Variants in PTPRN2 observed in about 807,000 individuals in gnomAD.
The protein encoded by PTPRN2 is protein tyrosine phosphatase receptor type N2.
A neutral mutation model predicts 118.8 loss-of-function variants in PTPRN2; 74 were observed. That is an observed-to-expected ratio of 0.62 (90% CI 0.52 to 0.76). PTPRN2 has a LOEUF of 0.76. PTPRN2 is among the 30% of genes least tolerant of loss of function. The pLI is 0.00. For synonymous variants in PTPRN2, 641 were observed against 608.0 expected, an observed-to-expected ratio of 1.05 and a Z score of -0.80; for missense variants, 1,481 against 1,394.4, an observed-to-expected ratio of 1.06 and a Z score of -0.99.
intron 12 of PTPRN2, among the ~76,000 whole-genome samples, chr7:157,712,797 C>T (rs186828358): frequency 1.0e-4 from 15 of 149,462 alleles, no homozygotes; most frequent in East Asian, 2.0e-4. Context: ...CACAGACAGA[C>T]GTGCACAGGG....
rs867514762 is a variant in PTPRN2 at position 157,810,788 on chromosome 7, C to T, written c.1788+87885G>A. 2.0e-4 allele frequency among the ~76,000 whole-genome samples: 29 copies of T among 143,898 alleles called. 1 individual carries two copies. In the Middle Eastern group the frequency reaches 0.016, roughly 77 times the overall value. The allele number at this position is 143,898 out of a possible 152,430, so 94.4% of individuals were successfully genotyped here. On this transcript the variant is annotated intron_variant, in intron 12 of 22. Coordinates refer to ENST00000389418, the MANE Select transcript of PTPRN2 (RefSeq NM_002847.5). ...GCTGGGCACAGGCTCTCCACAAGGACGGCAGGACTGCTGGGCACAGGCTTT... is the reference window on the plus strand; with the variant it reads ...GCTGGGCACAGGCTCTCCACAAGGATGGCAGGACTGCTGGGCACAGGCTTT...
At chr7:157,762,971 C>T (rs570514118) in intron 12 of PTPRN2, among the ~76,000 whole-genome samples, 8 of 152,144 alleles carry the variant, frequency 5.3e-5, no homozygotes, top group African/African-American at 9.6e-5. Context: ...AGCCCACAGC[C>T]GCCCACTCAC....
chr7:158,452,835 T>C (rs1228894633), intron 2 of PTPRN2, among the ~76,000 whole-genome samples: 8 of 152,210 alleles, frequency 5.3e-5, no homozygotes, highest in African/African-American at 1.9e-4. Flanking sequence ...GGAGCATCTC[T>C]TGGAACTGCA....
chr7:158,045,921 C>T (rs1808821118), intron 11 of PTPRN2, among the ~76,000 whole-genome samples: 2 of 145,994 alleles, frequency 1.4e-5, no homozygotes, highest in Admixed American at 6.7e-5. Context: ...CTGACACTGC[C>T]GTGTTCTGTC....
chr7:157,753,026 G>A (rs193138302), intron 12 of PTPRN2, among the ~76,000 whole-genome samples: 9 of 152,372 alleles, frequency 5.9e-5, no homozygotes, highest in Non-Finnish European at 8.8e-5. Flanking sequence ...TTTCTGTGGT[G>A]TGGCTGTTCT....
chr7:158,021,271 T>G (rs1164247870), intron 11 of PTPRN2, among the ~76,000 whole-genome samples: 1 of 152,216 alleles, frequency 6.6e-6, no homozygotes, highest in Admixed American at 6.5e-5. Context: ...TTGGATGCTA[T>G]TCAAGCCACA....
intron 22 of PTPRN2, among the ~76,000 whole-genome samples, chr7:157,545,475 CGTGTGGGTGTGCGCAGTGTGCAGGT>C (rs1798267435): frequency 2.1e-5 from 3 of 140,666 alleles, no homozygotes; most frequent in African/African-American, 8.0e-5. Context: ...TCCCTGGCTG[CGTGTGGGTGTGCGCAGTGTGCAGGT>C]GTGTGGGTGT....
chr7:158,373,027 A>G (rs1280070549), intron 2 of PTPRN2, among the ~76,000 whole-genome samples: 1 of 152,198 alleles, frequency 6.6e-6, no homozygotes, highest in African/African-American at 2.4e-5. Context: ...CTGCCAGAGG[A>G]TGCGCTGCAC....
chr7:157,642,649 T>G (rs1804745011), intron 14 of PTPRN2, among the ~76,000 whole-genome samples: 1 of 152,016 alleles, frequency 6.6e-6, no homozygotes, highest in South Asian at 2.1e-4. Context: ...CAGCTTCAAG[T>G]GTTTCCTCCC....
intron 11 of PTPRN2, among the ~76,000 whole-genome samples, chr7:158,032,700 A>C (rs1031737461): frequency 6.6e-6 from 1 of 152,168 alleles, no homozygotes; most frequent in Non-Finnish European, 1.5e-5. Flanking sequence ...ACCTAAAATC[A>C]CAGAGCACCA....
chr7:158,150,136 G>C (rs964000351), intron 6 of PTPRN2, among the ~76,000 whole-genome samples: 1 of 152,166 alleles, frequency 6.6e-6, no homozygotes, highest in Non-Finnish European at 1.5e-5. Context: ...AGCTTGGCCG[G>C]CAACAATGCT....
intron 11 of PTPRN2, among the ~76,000 whole-genome samples, chr7:157,978,584 AC>A (rs1425290960): frequency 6.6e-6 from 1 of 151,798 alleles, no homozygotes; most frequent in African/African-American, 2.4e-5. Flanking sequence ...TCTTTAACAA[AC>A]CCTTCAAAGT....
At chr7:157,933,301 A>G (rs1462286800) in intron 11 of PTPRN2, among the ~76,000 whole-genome samples, 11 of 146,274 alleles carry the variant, frequency 7.5e-5, no homozygotes, top group African/African-American at 2.9e-4. Flanking sequence ...TCTGATTGAC[A>G]GTTTTAGAGG....
chr7:158,379,869 C>T (rs1810830091), intron 2 of PTPRN2, among the ~76,000 whole-genome samples: 1 of 152,104 alleles, frequency 6.6e-6, no homozygotes, highest in Non-Finnish European at 1.5e-5. Context: ...GGGGGGGCCT[C>T]ACAATCATGG....
intron 12 of PTPRN2, among the ~76,000 whole-genome samples, chr7:157,747,757 C>G (rs1290003881): frequency 7.3e-5 from 8 of 109,952 alleles, no homozygotes; most frequent in Middle Eastern, 8.8e-3. Context: ...GAGCTCTGGG[C>G]TGTCCGGGTG....
chr7:157,734,705 G>A (rs1800198050), intron 12 of PTPRN2, among the ~76,000 whole-genome samples: 1 of 152,194 alleles, frequency 6.6e-6, no homozygotes, highest in Non-Finnish European at 1.5e-5. Flanking sequence ...CTGGGGTCAA[G>A]CCATTCTCAT....
intron 2 of PTPRN2, among the ~76,000 whole-genome samples, chr7:158,332,312 C>T (rs571072720): frequency 8.8e-4 from 41 of 46,750 alleles, no homozygotes; most frequent in African/African-American, 2.0e-3. Context: ...CTCACACCCA[C>T]ACTCTCACCA....
chr7:157,792,133 G>A (rs1804546593), intron 12 of PTPRN2, among the ~76,000 whole-genome samples: 1 of 152,202 alleles, frequency 6.6e-6, no homozygotes, highest in African/African-American at 2.4e-5. Flanking sequence ...CGTTCATGCC[G>A]CTCAATCGAG....
chr7:158,081,375 A>G lies in PTPRN2; in HGVS notation c.1646T>C (p.Val549Ala), dbSNP rs748242893. 12 of 1,613,946 alleles carry G rather than the reference A, an allele frequency of 7.4e-6. No homozygotes were observed. In the South Asian group the frequency reaches 1.3e-4, roughly 18 times the overall value. ...VPSSAFADVE[V>A]LGPAVTFKVS... ...TTTGAAGGTCACTGCTGGTCCGAGAACCCTGGAAGGGATAATTTAAAATAA... is the reference window on the plus strand; with the variant it reads ...TTTGAAGGTCACTGCTGGTCCGAGAGCCCTGGAAGGGATAATTTAAAATAA... Residue 549 changes from valine (V) to alanine (A), a missense_variant and splice_region_variant, in exon 11 of 23, where the codon GTT becomes GCT. Physicochemically the swap from Val to Ala is moderately conservative, Grantham distance 64 (BLOSUM62 0). Transcript: ENST00000389418.
Sources: allele counts gnomAD v4.1 joint callset (sites outside exome capture counted in the v4.1 genomes callset), GRCh38; gene constraint gnomAD v4.1.1; transcripts MANE v1.5; gene names NCBI Gene and HGNC (gene_info 2026-07-23, HGNC 2026-07-21).